SEC14L5: variants seen among roughly 807,000 people sequenced by gnomAD.
SEC14L5 encodes the protein SEC14 like lipid binding 5.
Under a neutral mutation model 84.6 loss-of-function variants are expected in SEC14L5, and 96 were observed. The ratio of observed to expected loss-of-function variants is 1.13; its 90% CI spans 0.96 to 1.34. The LOEUF (loss-of-function observed/expected upper bound fraction) is 1.34, where lower values mean the gene tolerates loss of function less well. SEC14L5 is among the 40% of genes most tolerant of loss of function. The pLI is 0.00. For synonymous variants in SEC14L5, 546 were observed against 383.4 expected, an observed-to-expected ratio of 1.42 and a Z score of -4.95; for missense variants, 1,224 against 942.5, an observed-to-expected ratio of 1.30 and a Z score of -3.91.
intron 15 of SEC14L5, 102 bp from the exon 16 acceptor site, chr16:5,014,757 G>C: frequency 2.4e-6 from 2 of 841,148 alleles, no homozygotes; most frequent in Non-Finnish European, 3.8e-6. Flanking sequence ...CTGGGGCCCT[G>C]GGGCCTGATT....
At chr16:4,993,983 T>A (rs1192691810) in intron 6 of SEC14L5, among the ~76,000 whole-genome samples, 1 of 147,968 alleles carries the variant, frequency 6.8e-6, no homozygotes, top group Non-Finnish European at 1.5e-5. Context: ...TTTTTTTTTT[T>A]AATAATACAT....
intron 2 of SEC14L5, among the ~76,000 whole-genome samples, chr16:4,969,126 A>C (rs962849694): frequency 5.3e-5 from 8 of 152,236 alleles, no homozygotes; most frequent in African/African-American, 1.2e-4. Context: ...TTCTACCTTG[A>C]ATGCTGCTCT....
chr16:5,002,881 C>T (rs1285788767), intron 10 of SEC14L5, among the ~76,000 whole-genome samples: 1 of 152,178 alleles, frequency 6.6e-6, no homozygotes, highest in African/African-American at 2.4e-5. Flanking sequence ...AGCATCTTTT[C>T]AACAATTAAC....
At chr16:4,965,585 C>T (rs920331027) in intron 2 of SEC14L5, among the ~76,000 whole-genome samples, 14 of 131,152 alleles carry the variant, frequency 1.1e-4, no homozygotes, top group Non-Finnish European at 1.9e-4. Flanking sequence ...GGTGTGAAAC[C>T]GGGAGGCGGA....
intron 10 of SEC14L5, among the ~76,000 whole-genome samples, chr16:5,002,419 C>T (rs1720638224): frequency 6.6e-6 from 1 of 151,980 alleles, no homozygotes; most frequent in Non-Finnish European, 1.5e-5. Context: ...GCCTCAGCCT[C>T]CCAGGTAGCT....
At chr16:4,999,361 C>G (rs1955650536) in intron 8 of SEC14L5, among the ~76,000 whole-genome samples, 1 of 152,154 alleles carries the variant, frequency 6.6e-6, no homozygotes, top group African/African-American at 2.4e-5. Flanking sequence ...TCAGAGCTCT[C>G]TGGGAAGCCA....
chr16:4,982,373 G>A (rs757022064), intron 2 of SEC14L5, among the ~76,000 whole-genome samples: 87 of 152,198 alleles, frequency 5.7e-4, no homozygotes, highest in Non-Finnish European at 6.9e-4. Flanking sequence ...TAAGGAATAA[G>A]GTCAGCCACA....
At chr16:4,998,423 C>T (rs113490144) in intron 8 of SEC14L5, among the ~76,000 whole-genome samples, 5 of 152,118 alleles carry the variant, frequency 3.3e-5, no homozygotes, top group Non-Finnish European at 7.4e-5. Flanking sequence ...GCCTACGACA[C>T]TTTCCAATGT....
chr16:5,013,394 A>G (rs1955830753), intron 15 of SEC14L5, among the ~76,000 whole-genome samples: 1 of 151,594 alleles, frequency 6.6e-6, no homozygotes, highest in Admixed American at 6.6e-5. Flanking sequence ...CTTTTTATTT[A>G]TTTATTTTTG....
chr16:4,992,827 A>T (rs1788520040), intron 6 of SEC14L5, among the ~76,000 whole-genome samples: 1 of 152,208 alleles, frequency 6.6e-6, no homozygotes, highest in South Asian at 2.1e-4. Context: ...GCATATATGC[A>T]CATAAAATGT....
At chr16:5,013,248 G>T (rs1955829130) in intron 15 of SEC14L5, among the ~76,000 whole-genome samples, 1 of 152,210 alleles carries the variant, frequency 6.6e-6, no homozygotes, top group Non-Finnish European at 1.5e-5. Context: ...GGTGCTCAGG[G>T]ACGTAACCTA....
chr16:4,970,467 T>C (rs1172720404), intron 2 of SEC14L5, among the ~76,000 whole-genome samples: 1 of 152,192 alleles, frequency 6.6e-6, no homozygotes, highest in Non-Finnish European at 1.5e-5. Flanking sequence ...GCAGAGACGT[T>C]GGAGGTCTGG....
chr16:4,998,369 A>G (rs1192990148), intron 8 of SEC14L5, among the ~76,000 whole-genome samples: 2 of 151,936 alleles, frequency 1.3e-5, no homozygotes, highest in African/African-American at 4.8e-5. Context: ...CCCATTACAA[A>G]TATCTTTTCT....
intron 2 of SEC14L5, among the ~76,000 whole-genome samples, chr16:4,982,213 CCCCTCCCCCCG>C (rs1267875615): frequency 6.6e-6 from 1 of 152,114 alleles, no homozygotes; most frequent in Non-Finnish European, 1.5e-5. Flanking sequence ...CCTCGGCCCC[CCCCTCCCCCCG>C]CCTCTCTTCC....
At chr16:5,007,718 G>A (rs1335437731) in intron 13 of SEC14L5, among the ~76,000 whole-genome samples, 1 of 149,162 alleles carries the variant, frequency 6.7e-6, no homozygotes, top group Admixed American at 6.8e-5. Flanking sequence ...CAATTCTCAT[G>A]CCTCAGCCTC....
chr16:4,996,465 G>C lies in SEC14L5; in HGVS notation c.780+5G>C. 1 of 1,519,098 alleles carries C rather than the reference G, an allele frequency of 6.6e-7. No homozygotes were observed. The highest frequency in any genetic ancestry group is 1.2e-5 in the South Asian group (1 of 83,566). The allele number at this position is 1,519,098 out of a possible 1,614,324, so 94.1% of individuals were successfully genotyped here. A position where few individuals can be genotyped will look rare whatever the true frequency, so the allele number is the denominator to read the frequency against. ...CAGGAGACCCACAAAGGCAAGGTGGGTGCAGGGGGTACCCTGGAGCAGTGG... is the reference window on the plus strand; with the variant it reads ...CAGGAGACCCACAAAGGCAAGGTGGCTGCAGGGGGTACCCTGGAGCAGTGG... On this transcript the variant is annotated splice_donor_5th_base_variant and intron_variant, in intron 7 of 15. Coordinates refer to ENST00000251170, the MANE Select transcript of SEC14L5 (RefSeq NM_014692.2).
intron 2 of SEC14L5, among the ~76,000 whole-genome samples, chr16:4,973,760 G>A (rs1955307149): frequency 6.9e-6 from 1 of 145,798 alleles, no homozygotes; most frequent in Non-Finnish European, 1.5e-5. Flanking sequence ...TCAGCTCACT[G>A]CAACCTCCAC....
Position 5,014,877 on chromosome 16 carries a change from GGAAT to G in SEC14L5, c.1999_2002del (p.Glu667ProfsTer127). 6.2e-7 allele frequency: 1 copy of G among 1,613,746 alleles called. No homozygotes were observed. The highest frequency in any genetic ancestry group is 1.7e-4 in the Middle Eastern group (1 of 6,060). On this transcript the variant is annotated frameshift_variant, in exon 16 of 16. Transcript: ENST00000251170. LOFTEE classifies it high-confidence loss of function. The stretch of plus-strand genomic sequence containing the variant: ...TCCCCAGGGGCTCCATGTCCAGCCT[GGAAT>G]CCTGCACCAGCGGCTTCTCCCAGCT...
chr16:4,977,653 G>T (rs962637428), intron 2 of SEC14L5, among the ~76,000 whole-genome samples: 2 of 151,816 alleles, frequency 1.3e-5, no homozygotes, highest in African/African-American at 4.8e-5. Flanking sequence ...GACATGGGTA[G>T]AGCCCAGGAC....
Sources: allele counts gnomAD v4.1 joint callset (sites outside exome capture counted in the v4.1 genomes callset), GRCh38; gene constraint gnomAD v4.1.1; transcripts MANE v1.5; gene names NCBI Gene and HGNC (gene_info 2026-07-23, HGNC 2026-07-21).